Variants in MTIF2 observed in about 807,000 individuals in gnomAD.
The protein encoded by MTIF2 is translation initiation factor IF-2, mitochondrial.
A neutral mutation model predicts 83.5 loss-of-function variants in MTIF2; 71 were observed. That is an observed-to-expected ratio of 0.85 (90% confidence interval 0.70 to 1.04). The LOEUF (loss-of-function observed/expected upper bound fraction) is 1.04, where lower values mean the gene tolerates loss of function less well. MTIF2 is among the 50% of genes least tolerant of loss of function. The probability of loss-of-function intolerance (pLI) is 0.00; values close to 1 mark genes in which losing one functional copy is unlikely to be tolerated. For missense variants in MTIF2, 957 were observed against 846.5 expected (o/e 1.13, Z -1.62); for synonymous variants, 319 against 287.1 (o/e 1.11, Z -1.12).
chr2:55,245,745 A>G (rs933577911), intron 10 of MTIF2, among the ~76,000 whole-genome samples: 4 of 82,486 alleles, frequency 4.8e-5, no homozygotes, highest in Non-Finnish European at 1.3e-4. Flanking sequence ...GTTTCTTACC[A>G]TAATTTAAAA....
intron 4 of MTIF2, among the ~76,000 whole-genome samples, 169 bp from the exon 5 acceptor site, chr2:55,262,596 G>C (rs1333503531): frequency 6.2e-5 from 8 of 128,726 alleles, no homozygotes; most frequent in Non-Finnish European, 1.1e-4. Context: ...AGGCTGGAGT[G>C]CAGTTGCACA....
At chr2:55,264,355 C>T (rs187980406) in intron 3 of MTIF2, among the ~76,000 whole-genome samples, 115 of 152,260 alleles carry the variant, frequency 7.6e-4, no homozygotes, top group Middle Eastern at 3.4e-3. Context: ...CCTCAGCCTC[C>T]CTAATAGCTG....
In MTIF2 at chr2:55,249,487, G is replaced by T. The variant is rs1461224887; in HGVS notation, c.889C>A (p.Pro297Thr). The T allele has an allele frequency of 1.9e-5, 30 of 1,613,860 alleles. No homozygotes were observed. Among genetic ancestry groups the T allele is most frequent in the Non-Finnish European group, 2.5e-5 (29 of 1,179,978 alleles). The change falls in exon 9 of 16, where the codon CCT (proline) becomes ACT (threonine). Residue 297 changes from proline (P) to threonine (T), a missense_variant. By Grantham distance (38) the Pro-to-Thr change is conservative. This residue lies in a region of MTIF2 where 733 missense variants were observed against 648.7 expected (regional missense o/e 1.13). Transcript: ENST00000263629. ...AGCAGCTCTTTTTTCACTTTCTCAGGATCAGCCTCAGCTTTGTCACATTTA... is the reference window on the plus strand; with the variant it reads ...AGCAGCTCTTTTTTCACTTTCTCAGTATCAGCCTCAGCTTTGTCACATTTA... ...VNKCDKAEAD[P>T]EKVKKELLAY...
intron 14 of MTIF2, among the ~76,000 whole-genome samples, chr2:55,237,839 CG>C (rs1676002112): frequency 6.6e-6 from 1 of 151,480 alleles, no homozygotes; most frequent in Non-Finnish European, 1.5e-5. Context: ...TTAGTAGAGA[CG>C]GGGTTTCACC....
At position 55,236,830 on chromosome 2, in the gene MTIF2, G is replaced by C. The variant is rs759408952; in HGVS notation, c.2012-10C>G. ...AATGAGGTTAATGAGCCTTAAAAAAGATAATTTAAGGTTAGTATATTCAAT... is the reference window on the plus strand; with the variant it reads ...AATGAGGTTAATGAGCCTTAAAAAACATAATTTAAGGTTAGTATATTCAAT... On this transcript the variant is annotated splice_polypyrimidine_tract_variant and intron_variant, in intron 15 of 15. Coordinates refer to ENST00000263629, the MANE Select transcript of MTIF2 (RefSeq NM_002453.3). 6.4e-7 allele frequency: 1 copy of C among 1,559,822 alleles called. No homozygotes were observed. The highest frequency in any genetic ancestry group is 1.2e-5 in the South Asian group (1 of 82,872).
Position 55,244,066 on chromosome 2 carries a change from G to A in MTIF2, c.1274C>T (p.Pro425Leu). The A allele has an allele frequency of 6.2e-7, 1 of 1,614,090 alleles. No homozygotes were observed. Among genetic ancestry groups the A allele is most frequent in the Non-Finnish European group, 8.5e-7 (1 of 1,180,010 alleles). The stretch of plus-strand genomic sequence containing the variant: ...TTCAAGAATTTCTTCTCCTGCAGAA[G>A]GAAGGTCTCTCCAGCCTGTAATTCC... The part of the protein sequence containing the change: ...PVGITGWRDL[P>L]SAGEEILEVE... Residue 425 changes from proline to leucine, a missense_variant, in exon 11 of 16, where the codon CCT becomes CTT. By Grantham distance (98) the Pro-to-Leu change is moderately conservative. This residue lies in a region of MTIF2 where 733 missense variants were observed against 648.7 expected (regional missense o/e 1.13). Transcript: ENST00000263629.
chr2:55,253,590 GC>G (rs1346357845), intron 7 of MTIF2, among the ~76,000 whole-genome samples: 1 of 152,038 alleles, frequency 6.6e-6, no homozygotes, highest in Non-Finnish European at 1.5e-5. Flanking sequence ...GCTGAGGCAG[GC>G]GGACCACAAG....
intron 3 of MTIF2, among the ~76,000 whole-genome samples, chr2:55,264,453 T>C (rs192255555): frequency 6.2e-4 from 94 of 152,226 alleles, no homozygotes; most frequent in Non-Finnish European, 1.1e-3. Context: ...TCTAGGTTAG[T>C]CTCAAACTCC....
intron 9 of MTIF2, among the ~76,000 whole-genome samples, 191 bp from the exon 10 acceptor site, chr2:55,246,652 G>T (rs1676723460): frequency 6.6e-6 from 1 of 152,074 alleles, no homozygotes; most frequent in Non-Finnish European, 1.5e-5. Context: ...AAGACAATGG[G>T]AAGAATGGAA....
At position 55,244,275 on chromosome 2, in the gene MTIF2, C is replaced by T. The variant is rs759926105; in HGVS notation, c.1107-42G>A. 3.8e-5 allele frequency: 53 copies of T among 1,386,734 alleles called. No homozygotes were observed. The South Asian group carries it at 6.4e-4, about 17-fold the overall frequency. The allele number at this position is 1,386,734 out of a possible 1,614,324, so 85.9% of individuals were successfully genotyped here. On this transcript the variant is annotated intron_variant, in intron 10 of 15. Transcript: ENST00000263629. ...AGTATATTTTCAATGTCATAATGTA[C>T]TTTAAGTAGAGCAAAGATATCTTTA...
chr2:55,236,888 G>A lies in MTIF2; in HGVS notation c.2012-68C>T, dbSNP rs147197371. ...AAGTACCTACTAAATACTACATTAT[G>A]TGGTGTTAACCAGGAAATTACACTG... On this transcript the variant is annotated intron_variant, in intron 15 of 15. Coordinates refer to ENST00000263629, the MANE Select transcript of MTIF2 (RefSeq NM_002453.3). The A allele has an allele frequency of 1.2e-3, 1,506 of 1,228,350 alleles. 2 individuals are homozygous for A. The highest frequency in any genetic ancestry group is 1.5e-3 in the Non-Finnish European group (1,410 of 922,470). 76.1% of individuals were successfully genotyped at this position (1,228,350 alleles called of 1,614,324 possible). A position where few individuals can be genotyped will look rare whatever the true frequency, so the allele number is the denominator to read the frequency against.
intron 8 of MTIF2, 98 bp downstream of exon 8, chr2:55,252,379 T>G: frequency 9.7e-7 from 1 of 1,030,708 alleles, no homozygotes; most frequent in African/African-American, 1.6e-5. Flanking sequence ...ACACGTATAA[T>G]AACTCTGGGA....
At position 55,246,352 on chromosome 2, in the gene MTIF2, G is replaced by A; in HGVS notation, c.1091C>T (p.Thr364Ile). 2 of 1,613,758 alleles carry A rather than the reference G, an allele frequency of 1.2e-6. No homozygotes were observed. Among genetic ancestry groups the A allele is most frequent in the Non-Finnish European group, 1.7e-6 (2 of 1,179,754 alleles). Residue 364 changes from threonine (T) to isoleucine (I), a missense_variant, in exon 10 of 16, where the codon ACA becomes ATA. Transcript: ENST00000263629. ...AGAGTCCTACCCTCTTCCTTTGTCTGTGAAAGACTCTATTACTGTTCCTTC... is the reference window on the plus strand; with the variant it reads ...AGAGTCCTACCCTCTTCCTTTGTCTATGAAAGACTCTATTACTGTTCCTTC... ...PVEGTVIESF[T>I]DKGRGLVTTA...
chr2:55,243,211 A>G (rs1200390615), intron 12 of MTIF2, 131 bp from the exon 13 acceptor site: 1 of 1,069,540 alleles, frequency 9.3e-7, no homozygotes, highest in African/African-American at 1.6e-5. Flanking sequence ...ATTTAGGCTT[A>G]GCATTACACA....
intron 5 of MTIF2, among the ~76,000 whole-genome samples, chr2:55,260,204 A>G (rs1055308833): frequency 6.6e-6 from 1 of 152,108 alleles, no homozygotes; most frequent in African/African-American, 2.4e-5. Flanking sequence ...GTTCGAGACC[A>G]GCCTGACCAA....
Position 55,262,328 on chromosome 2 carries a change from C to A in MTIF2, c.319G>T (p.Glu107Ter), listed in dbSNP as rs764255123. 6.2e-7 allele frequency: 1 copy of A among 1,609,742 alleles called. No homozygotes were observed. Among genetic ancestry groups the A allele is most frequent in the Admixed American group, 1.7e-5 (1 of 59,190 alleles). The change falls in exon 5 of 16, where the codon GAA becomes TAA. Residue 107 changes from glutamate to a stop codon, truncating the protein, a stop_gained. Coordinates refer to ENST00000263629, the MANE Select transcript of MTIF2 (RefSeq NM_002453.3). LOFTEE classifies it high-confidence loss of function. ...ATATCTGACTCACCTGTGTTTTTTT[C>A]CATTGCCCTGGCCAGTTCCTCAATA... ...MTIEELARAMEKNTDYVYEAL... is the reference protein window; with the variant it reads ...MTIEELARAM
At position 55,249,468 on chromosome 2, in the gene MTIF2, T is replaced by A; in HGVS notation, c.908A>T (p.Glu303Val). ...ACATACCACATCGTAAGCCAGCAGCTCTTTTTTCACTTTCTCAGGATCAGC... is the reference window on the plus strand; with the variant it reads ...ACATACCACATCGTAAGCCAGCAGCACTTTTTTCACTTTCTCAGGATCAGC... ...AEADPEKVKKELLAYDVVCED... is the reference protein window; with the variant it reads ...AEADPEKVKKVLLAYDVVCED... Residue 303 changes from glutamate (E) to valine (V), a missense_variant, in exon 9 of 16, where the codon GAG becomes GTG. Glu to Val is a moderately radical substitution (Grantham distance 121). Transcript: ENST00000263629. 1.2e-6 allele frequency: 2 copies of A among 1,614,164 alleles called. No homozygotes were observed. The highest frequency in any genetic ancestry group is 1.1e-5 in the South Asian group (1 of 91,084).
At chr2:55,256,904 G>A (rs1169286163) in intron 5 of MTIF2, among the ~76,000 whole-genome samples, 1 of 151,890 alleles carries the variant, frequency 6.6e-6, no homozygotes, top group Non-Finnish European at 1.5e-5. Flanking sequence ...TTGCCATTTT[G>A]CCCAGGTTGG....
chr2:55,240,807 A>G (rs1676251000), intron 13 of MTIF2, among the ~76,000 whole-genome samples: 1 of 152,240 alleles, frequency 6.6e-6, no homozygotes, highest in Admixed American at 6.5e-5. Context: ...GAGAAATAAA[A>G]ACACAAAAAA....
Sources: gnomAD v4.1 joint callset for allele counts (sites outside exome capture counted in the v4.1 genomes callset) on GRCh38, gnomAD v4.1.1 for gene constraint, gnomAD v4.1.1 regional missense constraint, MANE v1.5 for transcripts, NCBI Gene and HGNC (gene_info 2026-07-23, HGNC 2026-07-21) for gene names.